REDIC1: variants seen among roughly 807,000 people sequenced by gnomAD.
The protein encoded by REDIC1 is HEI10 Interacting Protein 1.
chr12:39,769,994 T>C, the REDIC1 span, among the ~76,000 whole-genome samples: 1 of 152,110 alleles, frequency 6.6e-6, no homozygotes, highest in African/African-American at 2.4e-5. Context: ...TACTCTGTGG[T>C]GCTTGACATT....
chr12:39,752,319 A>G, the REDIC1 span, among the ~76,000 whole-genome samples: 2 of 152,120 alleles, frequency 1.3e-5, no homozygotes, highest in African/African-American at 4.8e-5. Flanking sequence ...CCTATTGTGA[A>G]CTGTGCATGC....
the REDIC1 span, among the ~76,000 whole-genome samples, chr12:39,714,436 G>A: frequency 1.3e-5 from 2 of 151,090 alleles, no homozygotes; most frequent in South Asian, 4.2e-4. Flanking sequence ...CACACATATT[G>A]TGTCTTCATC....
the REDIC1 span, among the ~76,000 whole-genome samples, chr12:39,687,798 C>G: frequency 6.6e-6 from 1 of 152,138 alleles, no homozygotes; most frequent in Non-Finnish European, 1.5e-5. Flanking sequence ...GTTATAATCC[C>G]TTGCCATCAT....
At chr12:39,857,245 T>A in the REDIC1 span, among the ~76,000 whole-genome samples, 1 of 152,238 alleles carries the variant, frequency 6.6e-6, no homozygotes, top group Non-Finnish European at 1.5e-5. Context: ...CAAATAAGGA[T>A]ATAAATTACA....
chr12:39,887,438 A>G, the REDIC1 span, among the ~76,000 whole-genome samples: 1 of 152,160 alleles, frequency 6.6e-6, no homozygotes, highest in Non-Finnish European at 1.5e-5. Context: ...AATCAATGAA[A>G]ATACACCCAG....
At chr12:39,731,193 C>T in the REDIC1 span, among the ~76,000 whole-genome samples, 1 of 152,104 alleles carries the variant, frequency 6.6e-6, no homozygotes, top group African/African-American at 2.4e-5. Flanking sequence ...GTTTTGTTCC[C>T]TTGCTGGGGA....
chr12:39,707,523 A>C, the REDIC1 span, among the ~76,000 whole-genome samples: 1 of 151,930 alleles, frequency 6.6e-6, no homozygotes, highest in African/African-American at 2.4e-5. Flanking sequence ...ACCCAAAAGA[A>C]AGGAAATCAG....
chr12:39,888,334 C>A, the REDIC1 span, among the ~76,000 whole-genome samples: 33 of 152,222 alleles, frequency 2.2e-4, no homozygotes, highest in African/African-American at 8.0e-4. Flanking sequence ...AAGCAATTCT[C>A]CTGTCTCAGC....
At chr12:39,722,103 A>C in the REDIC1 span, among the ~76,000 whole-genome samples, 5 of 152,134 alleles carry the variant, frequency 3.3e-5, no homozygotes, top group Non-Finnish European at 7.3e-5. Flanking sequence ...AACTGAACCC[A>C]AAATAAAATT....
chr12:39,764,825 ATCTTCTGTTT>A, the REDIC1 span: 1 of 1,612,412 alleles, frequency 6.2e-7, no homozygotes, highest in South Asian at 1.1e-5. Context: ...CCCAAAATAT[ATCTTCTGTTT>A]TGAACTTGGT....
the REDIC1 span, among the ~76,000 whole-genome samples, chr12:39,699,608 G>A: frequency 2.6e-5 from 4 of 152,238 alleles, no homozygotes; most frequent in Admixed American, 1.3e-4. Flanking sequence ...CACAGCTCAA[G>A]GAGGCCTGCC....
chr12:39,768,973 T>C, the REDIC1 span, among the ~76,000 whole-genome samples: 3 of 152,094 alleles, frequency 2.0e-5, no homozygotes. Context: ...TAGAATCCAT[T>C]CTTCCTCTAT....
At chr12:39,853,051 T>C in the REDIC1 span, among the ~76,000 whole-genome samples, 1 of 152,228 alleles carries the variant, frequency 6.6e-6, no homozygotes, top group Admixed American at 6.5e-5. Flanking sequence ...GCTTTTGTTG[T>C]TTCATTCCTT....
At chr12:39,678,651 G>GAAAAAAAAAAAAAA in the REDIC1 span, among the ~76,000 whole-genome samples, 2 of 106,474 alleles carry the variant, frequency 1.9e-5, no homozygotes. Flanking sequence ...AAAAAAAAAG[G>GAAAAAAAAAAAAAA]AAACTATAGA....
At chr12:39,642,549 T>C in the REDIC1 span, among the ~76,000 whole-genome samples, 99 of 151,796 alleles carry the variant, frequency 6.5e-4, no homozygotes, top group African/African-American at 2.2e-3. Context: ...TATGGTCTTA[T>C]CCATCACAAA....
chr12:39,700,427 G>C, the REDIC1 span, among the ~76,000 whole-genome samples: 9 of 152,170 alleles, frequency 5.9e-5, no homozygotes, highest in Non-Finnish European at 1.3e-4. Flanking sequence ...CAAGAAATAT[G>C]GGACTATGTG....
chr12:39,884,205 G>C, the REDIC1 span, among the ~76,000 whole-genome samples: 1 of 152,064 alleles, frequency 6.6e-6, no homozygotes, highest in Admixed American at 6.6e-5. Context: ...CTGGCCTCAA[G>C]CCACCCTTCT....
chr12:39,761,414 A>G, the REDIC1 span, among the ~76,000 whole-genome samples: 1 of 152,072 alleles, frequency 6.6e-6, no homozygotes, highest in Non-Finnish European at 1.5e-5. Flanking sequence ...CCCAACTGTA[A>G]AGAATAGAAA....
the REDIC1 span, among the ~76,000 whole-genome samples, chr12:39,713,738 T>G: frequency 6.7e-6 from 1 of 149,524 alleles, no homozygotes; most frequent in South Asian, 2.1e-4. Context: ...CGTATATACA[T>G]ATGTATATAT....
Sources: gnomAD v4.1 joint callset for allele counts (sites outside exome capture counted in the v4.1 genomes callset) on GRCh38, gnomAD v4.1.1 for gene constraint, MANE v1.5 for transcripts, NCBI Gene and HGNC (gene_info 2026-07-23, HGNC 2026-07-21) for gene names.